RNF141: variants seen among roughly 807,000 people sequenced by gnomAD.
The protein encoded by RNF141 is C3HC4-like zinc finger protein.
RNF141 carries 18 observed loss-of-function variants against 27.4 expected under a neutral mutation model. That is an observed-to-expected ratio of 0.66 (90% CI 0.45 to 0.97). RNF141 has a LOEUF of 0.97. Among genes scored for constraint, RNF141 ranks in the 50% least tolerant of loss-of-function variants. The probability of loss-of-function intolerance (pLI) is 0.00; values close to 1 mark genes in which losing one functional copy is unlikely to be tolerated. For synonymous variants in RNF141, 97 were observed against 96.6 expected (o/e 1.00, Z -0.02); for missense variants, 230 against 279.4 (o/e 0.82, Z 1.26).
intron 5 of RNF141, among the ~76,000 whole-genome samples, chr11:10,517,917 T>C (rs1272774083): frequency 2.6e-5 from 4 of 152,122 alleles, no homozygotes; most frequent in East Asian, 3.8e-4. Context: ...CAATCATAAA[T>C]TGAAATTTTA....
rs1245408352 is a variant in RNF141 at position 10,513,029 on chromosome 11, TAA to T, written c.*1885_*1886del. ...GCTGAAATAGTGTGAAAACCACAAA[TAA>T]AGTCTCAGTTTCTAAAGTAAGAACA... On this transcript the variant is annotated 3_prime_UTR_variant, in exon 6 of 6. Transcript: ENST00000265981. 1 of 152,224 alleles carries T rather than the reference TAA, an allele frequency of 6.6e-6. No individual in the cohort carries two copies. Among genetic ancestry groups the T allele is most frequent in the African/African-American group, 2.4e-5 (1 of 41,464 alleles). The allele number at this position is 152,224 out of a possible 1,614,324, so 9.4% of individuals were successfully genotyped here. A position where few individuals can be genotyped will look rare whatever the true frequency, so the allele number is the denominator to read the frequency against.
At chr11:10,535,009 C>A (rs981730142) in intron 1 of RNF141, among the ~76,000 whole-genome samples, 1 of 151,792 alleles carries the variant, frequency 6.6e-6, no homozygotes, top group Non-Finnish European at 1.5e-5. Flanking sequence ...TAGGTACCCC[C>A]AAAATATATA....
At position 10,534,145 on chromosome 11, in the gene RNF141, A is replaced by G. The variant is rs761053543; in HGVS notation, c.14T>C (p.Ile5Thr). Residue 5 changes from isoleucine to threonine, a missense_variant, in exon 2 of 6, where the codon ATT (isoleucine) becomes ACT (threonine). Coordinates refer to ENST00000265981, the MANE Select transcript of RNF141 (RefSeq NM_016422.4). MGQQ[I>T]SDQTQLVINK... ...AATAACCAACTGTGTCTGATCCGAA[A>G]TTTGCTGTCCCATGATGAAAAGATG... The G allele has an allele frequency of 6.2e-7, 1 of 1,613,056 alleles. No homozygotes were observed. The highest frequency in any genetic ancestry group is 8.5e-7 in the Non-Finnish European group (1 of 1,179,486).
intron 2 of RNF141, 34 bp downstream of exon 2, chr11:10,533,982 G>A (rs1850011733): frequency 6.2e-7 from 1 of 1,601,082 alleles, no homozygotes; most frequent in African/African-American, 1.3e-5. Context: ...ATACAACAAG[G>A]GGAAAAACGA....
Position 10,529,523 on chromosome 11 carries a change from T to C in RNF141, c.252+1120A>G, listed in dbSNP as rs77232267. ...AAGAATGCAGAGCAAAAGAAGGTCA[T>C]TGTGACTAATGCAGAAAAGATAGTT... On this transcript the variant is annotated intron_variant, in intron 3 of 5. Transcript: ENST00000265981. 1.6e-4 allele frequency among the ~76,000 whole-genome samples: 24 copies of C among 152,308 alleles called. 1 individual carries two copies. The East Asian group carries it at 4.6e-3, about 29-fold the overall frequency.
intron 4 of RNF141, among the ~76,000 whole-genome samples, chr11:10,524,154 C>G (rs1315129036): frequency 6.6e-6 from 1 of 152,152 alleles, no homozygotes; most frequent in Non-Finnish European, 1.5e-5. Context: ...GTGGCTCATG[C>G]CTGTAATCCC....
chr11:10,519,989 A>C (rs558342296), intron 4 of RNF141, among the ~76,000 whole-genome samples: 1 of 152,254 alleles, frequency 6.6e-6, no homozygotes, highest in South Asian at 2.1e-4. Context: ...AAAAAATTGC[A>C]AAAAAATCTC....
intron 1 of RNF141, among the ~76,000 whole-genome samples, chr11:10,536,124 A>AGCCTATAAAAGGGGGACTTGACCTAGT (rs1850032510): frequency 6.6e-6 from 1 of 152,232 alleles, no homozygotes; most frequent in Admixed American, 6.5e-5. Context: ...GTGCTGTGAA[A>AGCCTATAAAAGGGGGACTTGACCTAGT]GCCTATAAAA....
intron 1 of RNF141, among the ~76,000 whole-genome samples, chr11:10,537,015 T>C (rs1268834667): frequency 6.6e-6 from 1 of 152,204 alleles, no homozygotes; most frequent in Non-Finnish European, 1.5e-5. Flanking sequence ...TAGTCATAGT[T>C]TGGTAACAAT....
rs10524171 is a variant in RNF141 at position 10,539,701 on chromosome 11, A to ATATATATATATAC, written c.-48+1420_-48+1421insGTATATATATATA. 3.6e-3 allele frequency among the ~76,000 whole-genome samples: 113 copies of ATATATATATATAC among 31,466 alleles called. 26 individuals are homozygous for ATATATATATATAC. The highest frequency in any genetic ancestry group is 6.1e-3 in the Non-Finnish European group (84 of 13,864). The allele number at this position is 31,466 out of a possible 152,430, so 20.6% of individuals were successfully genotyped here. The stretch of plus-strand genomic sequence containing the variant: ...AGAAAAAGATACATACATATATATT[A>ATATATATATATAC]GAGAGAGAAGGAGAGAGAAACTACA... On this transcript the variant is annotated intron_variant, in intron 1 of 5. Coordinates refer to ENST00000265981, the MANE Select transcript of RNF141 (RefSeq NM_016422.4).
intron 1 of RNF141, among the ~76,000 whole-genome samples, chr11:10,535,515 G>A (rs1270615500): frequency 1.3e-5 from 2 of 149,742 alleles, no homozygotes; most frequent in Non-Finnish European, 3.0e-5. Flanking sequence ...ATATAGCCAA[G>A]TGGATTTACA....
chr11:10,525,462 A>G, intron 3 of RNF141, 89 bp from the exon 4 acceptor site: 1 of 973,016 alleles, frequency 1.0e-6, no homozygotes, highest in Non-Finnish European at 1.5e-6. Context: ...TTAGTCAAAC[A>G]TCCTAGGAAA....
At chr11:10,518,939 T>C in intron 5 of RNF141, 95 bp downstream of exon 5, 1 of 807,128 alleles carries the variant, frequency 1.2e-6, no homozygotes, top group South Asian at 1.6e-5. Context: ...ATCTCTCTCA[T>C]ACTTAACTAC....
intron 4 of RNF141, among the ~76,000 whole-genome samples, chr11:10,522,886 A>G (rs2133968400): frequency 6.6e-6 from 1 of 152,338 alleles, no homozygotes; most frequent in Admixed American, 6.5e-5. Flanking sequence ...AACTGAGGAA[A>G]CAGTTTGATT....
rs1393563226 is a variant in RNF141 at position 10,513,167 on chromosome 11, A to T, written c.*1749T>A. The T allele has an allele frequency of 6.6e-6, 1 of 152,216 alleles. No homozygotes were observed. The highest frequency in any genetic ancestry group is 1.5e-5 in the Non-Finnish European group (1 of 68,036). The allele number at this position is 152,216 out of a possible 1,614,324, so 9.4% of individuals were successfully genotyped here. A position where few individuals can be genotyped will look rare whatever the true frequency, so the allele number is the denominator to read the frequency against. On this transcript the variant is annotated 3_prime_UTR_variant, in exon 6 of 6. Coordinates refer to ENST00000265981, the MANE Select transcript of RNF141 (RefSeq NM_016422.4). ...GCTTGCATAAACCTCCATAGGGAGT[A>T]GTTAGCTATTTGGTACTTAGCTGTC...
intron 4 of RNF141, among the ~76,000 whole-genome samples, chr11:10,519,861 T>C (rs1849873491): frequency 6.6e-6 from 1 of 152,164 alleles, no homozygotes; most frequent in African/African-American, 2.4e-5. Context: ...GGTGAGTGGA[T>C]ATGAAGGCCT....
chr11:10,519,964 A>C (rs1432224988), intron 4 of RNF141, among the ~76,000 whole-genome samples: 1 of 152,194 alleles, frequency 6.6e-6, no homozygotes. Flanking sequence ...AACACTAACA[A>C]TATCTGATGA....
chr11:10,532,491 T>C (rs1040887592), intron 2 of RNF141, among the ~76,000 whole-genome samples: 2 of 116,668 alleles, frequency 1.7e-5, no homozygotes, highest in African/African-American at 3.2e-5. Flanking sequence ...GTTTAGTTCA[T>C]TTTCTACACA....
chr11:10,516,481 AAC>A (rs1416120563), intron 5 of RNF141: 1 of 152,258 alleles, frequency 6.6e-6, no homozygotes, highest in Non-Finnish European at 1.5e-5. Flanking sequence ...CCCTGAGCTG[AAC>A]ACACAGAGCT....
Sources: gnomAD v4.1 joint callset for allele counts (sites outside exome capture counted in the v4.1 genomes callset) on GRCh38, gnomAD v4.1.1 for gene constraint, MANE v1.5 for transcripts, NCBI Gene and HGNC (gene_info 2026-07-23, HGNC 2026-07-21) for gene names.